Variants in MYO3B observed in about 807,000 individuals in gnomAD.
The protein encoded by MYO3B is myosin IIIB, also known as myosin-IIIb.
A neutral mutation model predicts 174.6 loss-of-function variants in MYO3B; 156 were observed. The observed-to-expected ratio is 0.89, with a 90% CI of 0.78 to 1.02. MYO3B has a LOEUF of 1.02. MYO3B is among the 50% of genes least tolerant of loss of function. The pLI, the probability that MYO3B is intolerant of heterozygous loss-of-function variation, is 0.00. For synonymous variants in MYO3B, 563 were observed against 569.1 expected, an observed-to-expected ratio of 0.99 and a Z score of 0.15; for missense variants, 1,632 against 1,639.4, an observed-to-expected ratio of 1.00 and a Z score of 0.08.
chr2:170,454,443 A>G (rs973125034), intron 23 of MYO3B, among the ~76,000 whole-genome samples: 4 of 152,214 alleles, frequency 2.6e-5, no homozygotes, highest in Admixed American at 2.6e-4. Context: ...AGCTACAGAC[A>G]GACATCCTAC....
At chr2:170,342,749 A>G (rs1272146073) in intron 8 of MYO3B, among the ~76,000 whole-genome samples, 1 of 152,144 alleles carries the variant, frequency 6.6e-6, no homozygotes, top group Admixed American at 6.5e-5. Context: ...CTAATTTTAT[A>G]GAAATTGAGG....
intron 8 of MYO3B, among the ~76,000 whole-genome samples, chr2:170,339,379 C>T (rs1487460653): frequency 1.3e-5 from 2 of 152,204 alleles, no homozygotes; most frequent in Non-Finnish European, 2.9e-5. Flanking sequence ...TGAGCCGTAA[C>T]AGAGTCGATT....
intron 32 of MYO3B, among the ~76,000 whole-genome samples, chr2:170,615,067 C>T (rs1428198207): frequency 6.6e-6 from 1 of 152,182 alleles, no homozygotes; most frequent in African/African-American, 2.4e-5. Context: ...TGTGGAGTCC[C>T]TCCCTTTGTG....
chr2:170,207,634 C>T (rs888765072), intron 3 of MYO3B, among the ~76,000 whole-genome samples: 1 of 145,888 alleles, frequency 6.9e-6, no homozygotes, highest in Non-Finnish European at 1.5e-5. Flanking sequence ...TACAGAGAGA[C>T]AATTACCTAT....
chr2:170,601,050 C>A (rs185439137), intron 32 of MYO3B, among the ~76,000 whole-genome samples: 2 of 152,242 alleles, frequency 1.3e-5, no homozygotes, highest in Admixed American at 1.3e-4. Context: ...TTTTTATTAG[C>A]TAACTATATG....
chr2:170,621,871 T>C (rs1559167723), intron 32 of MYO3B, among the ~76,000 whole-genome samples: 2 of 152,144 alleles, frequency 1.3e-5, no homozygotes, highest in Non-Finnish European at 2.9e-5. Flanking sequence ...GGAGCACATG[T>C]CACATTCTGC....
chr2:170,485,022 G>A (rs1034547952), intron 25 of MYO3B, among the ~76,000 whole-genome samples: 3 of 151,966 alleles, frequency 2.0e-5, no homozygotes, highest in African/African-American at 7.3e-5. Flanking sequence ...TAGACAGTCT[G>A]GGTGGTCATT....
At chr2:170,514,796 C>T (rs1688201894) in intron 28 of MYO3B, 125 bp from the exon 29 acceptor site, 1 of 691,822 alleles carries the variant, frequency 1.4e-6, no homozygotes, top group Admixed American at 2.9e-5. Flanking sequence ...TGAGATTAGT[C>T]ACCTTGGTGC....
chr2:170,401,338 G>T (rs925116527), intron 17 of MYO3B, 143 bp from the exon 18 acceptor site: 3 of 682,052 alleles, frequency 4.4e-6, no homozygotes, highest in Admixed American at 5.1e-5. Context: ...AAGCTTCTTG[G>T]GGTTAGGGAT....
chr2:170,198,804 T>A (rs1405522005), intron 1 of MYO3B, among the ~76,000 whole-genome samples: 1 of 151,760 alleles, frequency 6.6e-6, no homozygotes, highest in African/African-American at 2.4e-5. Flanking sequence ...GGAGCCCTCA[T>A]GAAGGTTACC....
chr2:170,574,943 C>T (rs190174666), intron 32 of MYO3B, among the ~76,000 whole-genome samples: 124 of 152,280 alleles, frequency 8.1e-4, no homozygotes, highest in Non-Finnish European at 1.5e-3. Context: ...CACTTACCCT[C>T]CCCACTCCCT....
At chr2:170,605,369 T>C (rs561939911) in intron 32 of MYO3B, among the ~76,000 whole-genome samples, 9 of 152,172 alleles carry the variant, frequency 5.9e-5, no homozygotes, top group Non-Finnish European at 1.3e-4. Context: ...CAGTGATGTG[T>C]TGATGATGCC....
intron 6 of MYO3B, among the ~76,000 whole-genome samples, chr2:170,226,875 G>A (rs1024825130): frequency 6.6e-6 from 1 of 152,178 alleles, no homozygotes; most frequent in Non-Finnish European, 1.5e-5. Flanking sequence ...AAGGGTCAAA[G>A]CATCTGCTGT....
intron 32 of MYO3B, among the ~76,000 whole-genome samples, chr2:170,600,528 A>G (rs1694443018): frequency 6.6e-6 from 1 of 152,032 alleles, no homozygotes; most frequent in Non-Finnish European, 1.5e-5. Context: ...TAATATGGGA[A>G]AATATACCCT....
At chr2:170,341,060 G>C (rs778780191) in intron 8 of MYO3B, 8 of 152,114 alleles carry the variant, frequency 5.3e-5, no homozygotes, top group Non-Finnish European at 1.0e-4. Flanking sequence ...ATGTTAACAA[G>C]ATAAGATCAT....
intron 7 of MYO3B, among the ~76,000 whole-genome samples, chr2:170,326,408 A>G (rs2093868067): frequency 6.6e-6 from 1 of 152,232 alleles, no homozygotes; most frequent in South Asian, 2.1e-4. Flanking sequence ...AGGACCACCT[A>G]GGAAAAGGGT....
At chr2:170,611,768 G>A (rs1210693777) in intron 32 of MYO3B, among the ~76,000 whole-genome samples, 7 of 152,008 alleles carry the variant, frequency 4.6e-5, no homozygotes, top group African/African-American at 1.7e-4. Context: ...TTTTTCATAG[G>A]GAACTTGTCA....
intron 7 of MYO3B, chr2:170,334,520 A>G (rs1313398637): frequency 6.6e-6 from 1 of 152,220 alleles, no homozygotes; most frequent in East Asian, 1.9e-4. Flanking sequence ...ATTTACAGCC[A>G]TAATTCATGT....
At chr2:170,649,465 TA>T (rs1485433708) in intron 32 of MYO3B, among the ~76,000 whole-genome samples, 6 of 124,124 alleles carry the variant, frequency 4.8e-5, no homozygotes, top group Middle Eastern at 3.9e-3. Context: ...ATATAATACA[TA>T]TTTTTTTCAT....
Sources: allele counts gnomAD v4.1 joint callset (sites outside exome capture counted in the v4.1 genomes callset), GRCh38; gene constraint gnomAD v4.1.1; transcripts MANE v1.5; gene names NCBI Gene and HGNC (gene_info 2026-07-23, HGNC 2026-07-21).